The following FBXO36 variants were observed in gnomAD, a reference collection of about 807,000 sequenced individuals.
The protein encoded by FBXO36 is F-box only protein 36.
FBXO36 carries 18 observed loss-of-function variants against 17.0 expected under a neutral mutation model. That is an observed-to-expected ratio of 1.06 (90% CI 0.73 to 1.57). The LOEUF (loss-of-function observed/expected upper bound fraction) is 1.57. Ranked by LOEUF, FBXO36 falls within the 40% of genes most tolerant of loss-of-function variation. The pLI is 0.00. For missense variants in FBXO36, 229 were observed against 221.9 expected (o/e 1.03, Z -0.20); for synonymous variants, 83 against 85.3 (o/e 0.97, Z 0.15).
At chr2:229,951,502 C>T (rs917595319) in intron 1 of FBXO36, among the ~76,000 whole-genome samples, 1 of 152,138 alleles carries the variant, frequency 6.6e-6, no homozygotes, top group African/African-American at 2.4e-5. Flanking sequence ...CCTTGACCTC[C>T]CAAAGAGCTG....
intron 1 of FBXO36, among the ~76,000 whole-genome samples, chr2:229,926,309 T>C (rs1420933700): frequency 2.0e-5 from 3 of 151,506 alleles, no homozygotes; most frequent in African/African-American, 7.3e-5. Flanking sequence ...TGCACGCCTG[T>C]AGTCCTAGCT....
intron 2 of FBXO36, among the ~76,000 whole-genome samples, chr2:229,988,961 T>G (rs1028302088): frequency 3.3e-5 from 5 of 151,930 alleles, no homozygotes; most frequent in Non-Finnish European, 7.4e-5. Flanking sequence ...TATTTCTTTA[T>G]ATGTAGGCAT....
Position 229,957,477 on chromosome 2 carries a change from T to C in FBXO36, c.97-18764T>C, listed in dbSNP as rs112202753. Among the ~76,000 whole-genome samples, 846 of 152,266 alleles carry C rather than the reference T, an allele frequency of 5.6e-3. 11 individuals are homozygous for C. The highest frequency in any genetic ancestry group is 0.018 in the African/African-American group (757 of 41,552). On this transcript the variant is annotated intron_variant, in intron 1 of 3. Transcript: ENST00000283946. The stretch of plus-strand genomic sequence containing the variant: ...CTGTAATCCCAGCTACTCAGGAAGC[T>C]GAGGCAGGAGAATTGCTTGAACCCG...
intron 2 of FBXO36, among the ~76,000 whole-genome samples, chr2:229,992,635 C>T (rs894607200): frequency 2.0e-5 from 3 of 152,238 alleles, no homozygotes; most frequent in Non-Finnish European, 4.4e-5. Flanking sequence ...GGCAGCACAT[C>T]TCTTGCAGGT....
rs913436489 is a variant in FBXO36, at chr2:229,947,465, C to T, written c.96+24856C>T. ...AAGGAGAGATGGACAGGGGTCACTC[C>T]TTGGCCTTCTATGCCACCCCAAGGA... On this transcript the variant is annotated intron_variant, in intron 1 of 3. Transcript: ENST00000283946. Among the ~76,000 whole-genome samples the T allele has an allele frequency of 3.9e-5, 6 of 152,130 alleles. No individual in the cohort carries two copies. The East Asian group carries it at 5.8e-4, about 15-fold the overall frequency.
At chr2:229,956,368 C>T (rs1382899786) in intron 1 of FBXO36, among the ~76,000 whole-genome samples, 2 of 152,016 alleles carry the variant, frequency 1.3e-5, no homozygotes, top group Non-Finnish European at 2.9e-5. Context: ...CTGAAGGTTC[C>T]GTAATTTGAG....
intron 1 of FBXO36, among the ~76,000 whole-genome samples, chr2:229,932,111 A>G (rs2076941776): frequency 6.6e-6 from 1 of 151,684 alleles, no homozygotes; most frequent in South Asian, 2.1e-4. Flanking sequence ...GGCTGGGCGC[A>G]GTAGTCACAC....
At chr2:229,975,428 C>G (rs2077202358) in intron 1 of FBXO36, among the ~76,000 whole-genome samples, 1 of 151,678 alleles carries the variant, frequency 6.6e-6, no homozygotes, top group African/African-American at 2.4e-5. Context: ...AACAGATAAC[C>G]ATTTGGCTCC....
intron 1 of FBXO36, among the ~76,000 whole-genome samples, chr2:229,966,481 C>T (rs1458683052): frequency 6.6e-6 from 1 of 152,138 alleles, no homozygotes; most frequent in East Asian, 1.9e-4. Flanking sequence ...ATGGTATTGC[C>T]TAGGTTTTCT....
At chr2:229,996,373 G>A (rs529148967) in intron 2 of FBXO36, among the ~76,000 whole-genome samples, 1 of 152,286 alleles carries the variant, frequency 6.6e-6, no homozygotes, top group East Asian at 1.9e-4. Context: ...AAAGCCACGT[G>A]GACCAGCATC....
intron 1 of FBXO36, among the ~76,000 whole-genome samples, chr2:229,974,577 T>C (rs1577349806): frequency 6.6e-6 from 1 of 152,216 alleles, no homozygotes; most frequent in East Asian, 1.9e-4. Flanking sequence ...TGCCTTTTTA[T>C]GAACAAGTTA....
At chr2:229,922,749 C>G in intron 1 of FBXO36, 140 bp downstream of exon 1, 1 of 800,002 alleles carries the variant, frequency 1.3e-6, no homozygotes. Flanking sequence ...GGGAGATTTT[C>G]CTCGTCACCT....
chr2:229,995,822 C>G (rs1480415503), intron 2 of FBXO36, among the ~76,000 whole-genome samples: 2 of 151,746 alleles, frequency 1.3e-5, no homozygotes, highest in Non-Finnish European at 1.5e-5. Context: ...GAACTCCCAA[C>G]CTCAGGTGAT....
intron 3 of FBXO36, among the ~76,000 whole-genome samples, chr2:230,001,948 G>A (rs934448172): frequency 6.6e-6 from 1 of 152,134 alleles, no homozygotes; most frequent in African/African-American, 2.4e-5. Context: ...CTCCTGAGTA[G>A]CTGGAATTAC....
intron 3 of FBXO36, among the ~76,000 whole-genome samples, chr2:230,005,475 T>C (rs977517753): frequency 3.3e-5 from 5 of 152,202 alleles, no homozygotes; most frequent in African/African-American, 7.2e-5. Context: ...TATATACAAT[T>C]TGCATTGCAT....
rs1231604187 is a variant in FBXO36, at chr2:229,922,512, A to C, written c.-2A>C. 6.2e-7 allele frequency: 1 copy of C among 1,613,934 alleles called. No individual in the cohort carries two copies. The highest frequency in any genetic ancestry group is 1.7e-5 in the Admixed American group (1 of 60,002). ...TCTTAGCGACGGCGGTGGCGTCCCAAGATGGCGTCGTGGCTGCCGGAGACT... is the reference window on the plus strand; with the variant it reads ...TCTTAGCGACGGCGGTGGCGTCCCACGATGGCGTCGTGGCTGCCGGAGACT... On this transcript the variant is annotated 5_prime_UTR_variant, in exon 1 of 4. Coordinates refer to ENST00000283946, the MANE Select transcript of FBXO36 (RefSeq NM_174899.5).
intron 2 of FBXO36, among the ~76,000 whole-genome samples, chr2:229,990,393 G>A (rs909792753): frequency 6.6e-6 from 1 of 151,632 alleles, no homozygotes; most frequent in Non-Finnish European, 1.5e-5. Context: ...TGTATATCAG[G>A]TTATCAGGTT....
intron 1 of FBXO36, among the ~76,000 whole-genome samples, chr2:229,964,726 G>T (rs2077141886): frequency 6.6e-6 from 1 of 152,098 alleles, no homozygotes; most frequent in African/African-American, 2.4e-5. Flanking sequence ...TCACTGTGTT[G>T]GCCAGGCTGG....
At chr2:229,970,023 G>A (rs2077173145) in intron 1 of FBXO36, among the ~76,000 whole-genome samples, 1 of 152,260 alleles carries the variant, frequency 6.6e-6, no homozygotes, top group South Asian at 2.1e-4. Flanking sequence ...TGCTGGTGAG[G>A]ACCCAGAGAA....
Sources: gnomAD v4.1 joint callset for allele counts (sites outside exome capture counted in the v4.1 genomes callset) on GRCh38, gnomAD v4.1.1 for gene constraint, MANE v1.5 for transcripts, NCBI Gene and HGNC (gene_info 2026-07-23, HGNC 2026-07-21) for gene names.